The following A4GALT variants were observed in gnomAD, a reference collection of about 807,000 sequenced individuals.
The protein encoded by A4GALT is lactosylceramide 4-alpha-galactosyltransferase.
For synonymous variants in A4GALT, 257 were observed against 220.7 expected, an observed-to-expected ratio of 1.16 and a Z score of -1.46; for missense variants, 512 against 486.0, an observed-to-expected ratio of 1.05 and a Z score of -0.50.
intron 1 of A4GALT, among the ~76,000 whole-genome samples, chr22:42,717,237 A>T (rs1922267573): frequency 6.6e-6 from 1 of 152,188 alleles, no homozygotes; most frequent in Non-Finnish European, 1.5e-5. Flanking sequence ...GATAGCTACA[A>T]GAAACAGAGC....
chr22:42,693,474 C>T lies in A4GALT; in HGVS notation c.478G>A (p.Ala160Thr), dbSNP rs768921574. 57 of 1,612,982 alleles carry T rather than the reference C, an allele frequency of 3.5e-5. No homozygotes were observed. The highest frequency in any genetic ancestry group is 1.4e-5 in the Non-Finnish European group (16 of 1,179,964). The change falls in exon 3 of 3, where the codon GCG (alanine) becomes ACG (threonine). Residue 160 changes from alanine (A) to threonine (T), a missense_variant. Transcript: ENST00000642412. The part of the protein sequence containing the change: ...FRDTPLADWY[A>T]AVQGRWEPYL... ...GGCTCCCAGCGCCCCTGCACGGCCG[C>T]GTACCAGTCGGCCAGGGGTGTGTCC...
At chr22:42,719,520 A>G (rs1332285565) in intron 1 of A4GALT, among the ~76,000 whole-genome samples, 3 of 148,016 alleles carry the variant, frequency 2.0e-5, no homozygotes, top group African/African-American at 7.4e-5. Flanking sequence ...TTTCCTTTCT[A>G]TTTTGTTTTC....
chr22:42,693,633 C>T lies in A4GALT; in HGVS notation c.319G>A (p.Glu107Lys), dbSNP rs1318461264. 5.0e-6 allele frequency: 8 copies of T among 1,601,456 alleles called. No homozygotes were observed. The highest frequency in any genetic ancestry group is 4.5e-5 in the East Asian group (2 of 44,068). Residue 107 changes from glutamate to lysine, a missense_variant, in exon 3 of 3, where the codon GAA (glutamate) becomes AAA (lysine). Coordinates refer to ENST00000642412, the MANE Select transcript of A4GALT (RefSeq NM_017436.7). ...TTCATCAGGACCAGCACGTGGGATTCGGGGTGAGTTCTGGCGGCCGACTCC... is the reference window on the plus strand; with the variant it reads ...TTCATCAGGACCAGCACGTGGGATTTGGGGTGAGTTCTGGCGGCCGACTCC... ...SVESAARTHP[E>K]SHVLVLMKGL...
intron 1 of A4GALT, among the ~76,000 whole-genome samples, chr22:42,704,288 C>T (rs1031816638): frequency 6.6e-6 from 1 of 151,992 alleles, no homozygotes; most frequent in East Asian, 1.9e-4. Context: ...CAAGACTAGC[C>T]TGCCCAATAT....
At chr22:42,714,698 G>A (rs1321571916) in intron 1 of A4GALT, among the ~76,000 whole-genome samples, 2 of 152,138 alleles carry the variant, frequency 1.3e-5, no homozygotes, top group Non-Finnish European at 2.9e-5. Context: ...GAACCCAGGA[G>A]GCGGAGGTTG....
rs1391106411 is a variant in A4GALT, at chr22:42,709,808, A to G, written c.-188+10989T>C. Among the ~76,000 whole-genome samples the G allele has an allele frequency of 2.6e-5, 4 of 152,152 alleles. No homozygotes were observed. The East Asian group carries it at 5.8e-4, about 22-fold the overall frequency. On this transcript the variant is annotated intron_variant, in intron 1 of 2. Transcript: ENST00000642412. ...CTGTCTCAAAAAATAAAAAAAATAA[A>G]AAAATGGGGGTGATTCAGGAATGCA...
At chr22:42,709,254 G>A in intron 1 of A4GALT, among the ~76,000 whole-genome samples, 1 of 145,110 alleles carries the variant, frequency 6.9e-6, no homozygotes, top group East Asian at 2.0e-4. Flanking sequence ...GTTTCACCGT[G>A]TTACCCAGGC....
At chr22:42,703,558 A>G (rs971169922) in intron 1 of A4GALT, among the ~76,000 whole-genome samples, 2 of 152,092 alleles carry the variant, frequency 1.3e-5, no homozygotes, top group African/African-American at 2.4e-5. Flanking sequence ...CCGGCCTGCA[A>G]TAAGGAGTGT....
At chr22:42,720,113 C>T (rs569863898) in intron 1 of A4GALT, among the ~76,000 whole-genome samples, 2 of 152,312 alleles carry the variant, frequency 1.3e-5, no homozygotes, top group East Asian at 1.9e-4. Context: ...CCGCTCAGTC[C>T]TCAACCTTCC....
chr22:42,701,229 C>T (rs1037068689), intron 1 of A4GALT, among the ~76,000 whole-genome samples: 28 of 152,208 alleles, frequency 1.8e-4, no homozygotes, highest in Admixed American at 3.3e-4. Context: ...CCTGAGCTTC[C>T]TTCCTGGCCC....
rs1483891332 is a variant in A4GALT, at chr22:42,702,998, C to T, written c.-187-7367G>A. 9.6e-5 allele frequency among the ~76,000 whole-genome samples: 11 copies of T among 114,972 alleles called. 2 individuals are homozygous for T. Among genetic ancestry groups the T allele is most frequent in the African/African-American group, 2.5e-4 (4 of 16,304 alleles). 75.4% of individuals were successfully genotyped at this position (114,972 alleles called of 152,430 possible). On this transcript the variant is annotated intron_variant, in intron 1 of 2. Transcript: ENST00000642412. ...GGCCGGGGTACATCACAGTGTGGTCCGCTGGCCGCAGCACCTCTGCCCTCC... is the reference window on the plus strand; with the variant it reads ...GGCCGGGGTACATCACAGTGTGGTCTGCTGGCCGCAGCACCTCTGCCCTCC...
intron 2 of A4GALT, among the ~76,000 whole-genome samples, chr22:42,694,352 C>T (rs1418141227): frequency 6.6e-6 from 1 of 152,266 alleles, no homozygotes; most frequent in Non-Finnish European, 1.5e-5. Context: ...ATGTGACACA[C>T]AGGGCTCTGT....
rs1350291712 is a variant in A4GALT, at chr22:42,693,121, G to A, written c.831C>T (p.Thr277=). The A allele has an allele frequency of 6.2e-7, 1 of 1,610,062 alleles. No individual in the cohort carries two copies. The highest frequency in any genetic ancestry group is 8.5e-7 in the Non-Finnish European group (1 of 1,178,528). ...GGTAGAAGGCCTCAGGGGGCAGGGT[G>A]GTGACGCCGCGGCAGGCGCGGCTCT... ...LAESRACRGV[T]TLPPEAFYPI... is the part of the protein sequence containing the mutation. Residue 277 remains threonine (T), a synonymous_variant, in exon 3 of 3, where the codon ACC becomes ACT. Transcript: ENST00000642412.
intron 1 of A4GALT, among the ~76,000 whole-genome samples, chr22:42,701,033 T>C (rs1931267029): frequency 6.6e-6 from 1 of 152,180 alleles, no homozygotes; most frequent in Non-Finnish European, 1.5e-5. Context: ...CCCTGTCCCA[T>C]GGTCATACTT....
intron 1 of A4GALT, among the ~76,000 whole-genome samples, chr22:42,716,084 G>A (rs547237226): frequency 6.6e-6 from 1 of 151,486 alleles, no homozygotes; most frequent in Non-Finnish European, 1.5e-5. Context: ...CGCCCGCTTC[G>A]GCCTCCCAAA....
At chr22:42,696,121 C>CA (rs1296048741) in intron 1 of A4GALT, among the ~76,000 whole-genome samples, 8,003 of 53,840 alleles carry the variant, frequency 0.15, 877 homozygotes, top group African/African-American at 0.18. Context: ...GACTCTATCT[C>CA]AAAAAAAAAA....
intron 1 of A4GALT, among the ~76,000 whole-genome samples, chr22:42,714,274 C>CAAAA (rs1163088658): frequency 0.12 from 1,980 of 16,152 alleles, 708 homozygotes; most frequent in Middle Eastern, 0.25. Context: ...GACTCTGTCT[C>CAAAA]AAAAAAAAAA....
At chr22:42,703,977 C>G (rs1335570593) in intron 1 of A4GALT, among the ~76,000 whole-genome samples, 1 of 152,118 alleles carries the variant, frequency 6.6e-6, no homozygotes, top group East Asian at 1.9e-4. Flanking sequence ...ACTGCTTTGT[C>G]CATCAAAGGA....
intron 1 of A4GALT, among the ~76,000 whole-genome samples, chr22:42,702,828 C>T (rs965930241): frequency 3.5e-5 from 5 of 143,886 alleles, no homozygotes; most frequent in Non-Finnish European, 5.9e-5. Context: ...TGGAGTCAGG[C>T]GGTCCTGGCC....
Sources: allele counts gnomAD v4.1 joint callset (sites outside exome capture counted in the v4.1 genomes callset), GRCh38; gene constraint gnomAD v4.1.1; transcripts MANE v1.5; gene names NCBI Gene and HGNC (gene_info 2026-07-23, HGNC 2026-07-21).